Variants in EPB41L5 observed in about 807,000 individuals in gnomAD.
The protein encoded by EPB41L5 is band 4.1-like protein 5.
A neutral mutation model predicts 106.6 loss-of-function variants in EPB41L5; 55 were observed. The observed-to-expected ratio is 0.52, with a 90% CI of 0.42 to 0.65. The LOEUF (loss-of-function observed/expected upper bound fraction) is 0.65. Ranked by LOEUF, EPB41L5 falls within the 30% of genes least tolerant of loss-of-function variation. The pLI is 0.00. For synonymous variants in EPB41L5, 297 were observed against 306.7 expected (o/e 0.97, Z 0.33); for missense variants, 871 against 882.1 (o/e 0.99, Z 0.16).
intron 3 of EPB41L5, among the ~76,000 whole-genome samples, chr2:120,068,092 T>C (rs909598203): frequency 3.9e-5 from 6 of 152,110 alleles, no homozygotes; most frequent in Admixed American, 6.5e-5. Flanking sequence ...GCTCATCTCA[T>C]TGGGGCTGGT....
chr2:120,042,359 T>C (rs1249561317), intron 3 of EPB41L5, among the ~76,000 whole-genome samples: 1 of 152,182 alleles, frequency 6.6e-6, no homozygotes, highest in Admixed American at 6.5e-5. Flanking sequence ...GGCTCCAGAA[T>C]CTTTGTTTTT....
At position 120,175,751 on chromosome 2, in the gene EPB41L5, G is replaced by A. The variant is rs1029479911; in HGVS notation, c.*844G>A. On this transcript the variant is annotated 3_prime_UTR_variant, in exon 25 of 25. Transcript: ENST00000263713. ...CCGGTGGAGAATGCAGGCTGCTGTA[G>A]TCTCAGGTAATGAAGGCACAGCACA... 1 of 152,076 alleles carries A rather than the reference G, an allele frequency of 6.6e-6. No individual in the cohort carries two copies. 9.4% of individuals were successfully genotyped at this position (152,076 alleles called of 1,614,324 possible).
chr2:120,046,741 A>G (rs558271073), intron 3 of EPB41L5, among the ~76,000 whole-genome samples: 11 of 152,302 alleles, frequency 7.2e-5, no homozygotes, highest in South Asian at 4.1e-4. Flanking sequence ...GCCCATGCCT[A>G]TATCCTGAAT....
chr2:120,146,624 C>A (rs1301523757), intron 20 of EPB41L5, among the ~76,000 whole-genome samples: 1 of 152,144 alleles, frequency 6.6e-6, no homozygotes, highest in Non-Finnish European at 1.5e-5. Flanking sequence ...ATCACAATGG[C>A]CTTGTTCTTA....
chr2:120,078,653 A>C, intron 10 of EPB41L5, 72 bp downstream of exon 10: 2 of 1,005,232 alleles, frequency 2.0e-6, no homozygotes, highest in Non-Finnish European at 3.0e-6. Context: ...GTTAATACAT[A>C]AACAAGTTTG....
intron 16 of EPB41L5, among the ~76,000 whole-genome samples, chr2:120,127,294 A>G (rs1004980816): frequency 1.3e-5 from 2 of 152,202 alleles, no homozygotes; most frequent in African/African-American, 4.8e-5. Flanking sequence ...AAACTTTTCC[A>G]TGAATCTTAT....
chr2:120,065,021 G>A (rs574379882), intron 3 of EPB41L5, among the ~76,000 whole-genome samples: 2 of 152,254 alleles, frequency 1.3e-5, no homozygotes, highest in South Asian at 4.1e-4. Context: ...GGGAGTGCAG[G>A]TATTAGAAAC....
chr2:120,170,354 G>A (rs562214807), intron 24 of EPB41L5, among the ~76,000 whole-genome samples: 4 of 152,298 alleles, frequency 2.6e-5, no homozygotes, highest in Admixed American at 2.6e-4. Flanking sequence ...TCTGCTTCAG[G>A]GTCTCTCACA....
intron 5 of EPB41L5, among the ~76,000 whole-genome samples, chr2:120,075,165 A>G (rs961527955): frequency 6.6e-6 from 1 of 152,240 alleles, no homozygotes; most frequent in African/African-American, 2.4e-5. Flanking sequence ...GTGTTAGATC[A>G]GTAGGGTGAT....
chr2:120,170,550 G>C (rs779266544), intron 24 of EPB41L5, among the ~76,000 whole-genome samples: 1 of 152,210 alleles, frequency 6.6e-6, no homozygotes, highest in African/African-American at 2.4e-5. Flanking sequence ...CTCCAAAGTA[G>C]TTCCTTACTT....
chr2:120,064,082 A>G (rs922809301), intron 3 of EPB41L5, among the ~76,000 whole-genome samples: 2 of 152,238 alleles, frequency 1.3e-5, no homozygotes, highest in Admixed American at 6.5e-5. Context: ...ACTCAAAAAA[A>G]GTAGTCACTC....
In EPB41L5 at chr2:120,019,080, C is replaced by G; in HGVS notation, c.-5C>G. 6.3e-7 allele frequency: 1 copy of G among 1,577,804 alleles called. No homozygotes were observed. Among genetic ancestry groups the G allele is most frequent in the Non-Finnish European group, 8.6e-7 (1 of 1,164,306 alleles). On this transcript the variant is annotated 5_prime_UTR_variant, in exon 2 of 25. Coordinates refer to ENST00000263713, the MANE Select transcript of EPB41L5 (RefSeq NM_020909.4). The stretch of plus-strand genomic sequence containing the variant: ...CTTTTTCTCTCTGTTTTTATAGTGA[C>G]AAAAATGCTGAGTTTCTTCCGTAGA...
In EPB41L5 at chr2:120,092,008, TTTTATTTATTTATTTA is replaced by T. The variant is rs145583905; in HGVS notation, c.1150+371_1150+386del. Among the ~76,000 whole-genome samples, 413 of 146,762 alleles carry T rather than the reference TTTTATTTATTTATTTA, an allele frequency of 2.8e-3. 1 individual carries two copies. Among genetic ancestry groups the T allele is most frequent in the African/African-American group, 9.7e-3 (385 of 39,826 alleles). On this transcript the variant is annotated intron_variant, in intron 13 of 24. Coordinates refer to ENST00000263713, the MANE Select transcript of EPB41L5 (RefSeq NM_020909.4). The stretch of plus-strand genomic sequence containing the variant: ...TCCCCTTAGGAATTTTTAAAAACAT[TTTTATTTATTTATTTA>T]TTTATTTATTTATTTATTTATTTTG...
intron 10 of EPB41L5, among the ~76,000 whole-genome samples, chr2:120,081,368 C>CCTTT (rs1424359660): frequency 6.6e-6 from 1 of 152,168 alleles, no homozygotes; most frequent in Non-Finnish European, 1.5e-5. Flanking sequence ...AATAGGGAAT[C>CCTTT]CTTTCCCCAT....
At chr2:120,131,885 AG>A (rs1182259709) in intron 18 of EPB41L5, among the ~76,000 whole-genome samples, 170 bp downstream of exon 18, 1 of 151,918 alleles carries the variant, frequency 6.6e-6, no homozygotes, top group Non-Finnish European at 1.5e-5. Context: ...GATGTTTAGG[AG>A]GGAAGGGGGA....
chr2:120,152,662 G>A (rs1346764262), intron 20 of EPB41L5, among the ~76,000 whole-genome samples: 1 of 152,226 alleles, frequency 6.6e-6, no homozygotes, highest in African/African-American at 2.4e-5. Flanking sequence ...TGTTTTGGAA[G>A]AGATTGAGAA....
At chr2:120,093,205 T>A (rs1683528909) in intron 13 of EPB41L5, 44 bp from the exon 14 acceptor site, 8 of 1,553,306 alleles carry the variant, frequency 5.2e-6, no homozygotes, top group Non-Finnish European at 7.1e-6. Flanking sequence ...CAGTTTATCA[T>A]GTAAGATGAA....
At position 120,075,761 on chromosome 2, in the gene EPB41L5, A is replaced by T. The variant is rs541596200; in HGVS notation, c.505+8A>T. On this transcript the variant is annotated splice_region_variant and intron_variant, in intron 7 of 24. Coordinates refer to ENST00000263713, the MANE Select transcript of EPB41L5 (RefSeq NM_020909.4). ...CAGCTTATAATCTGCAAGGTAAGCA[A>T]TTCTTATGTTGACTGTTAAGACTCA... The T allele has an allele frequency of 1.2e-6, 2 of 1,607,672 alleles. No individual in the cohort carries two copies. The highest frequency in any genetic ancestry group is 1.7e-6 in the Non-Finnish European group (2 of 1,174,452).
At chr2:120,033,708 CA>C (rs3084761) in intron 2 of EPB41L5, among the ~76,000 whole-genome samples, 7,509 of 97,232 alleles carry the variant, frequency 0.077, 187 homozygotes, top group African/African-American at 0.099. Context: ...AACTCCATCT[CA>C]AAAAAAAAAA....
Sources: allele counts gnomAD v4.1 joint callset (sites outside exome capture counted in the v4.1 genomes callset), GRCh38; gene constraint gnomAD v4.1.1; transcripts MANE v1.5; gene names NCBI Gene and HGNC (gene_info 2026-07-23, HGNC 2026-07-21).